EPB41L5: variants seen among roughly 807,000 people sequenced by gnomAD.
EPB41L5 encodes erythrocyte membrane protein band 4.1 like 5.
EPB41L5 carries 55 observed loss-of-function variants against 106.6 expected under a neutral mutation model. The observed-to-expected ratio is 0.52, with a 90% confidence interval of 0.42 to 0.65. The LOEUF (loss-of-function observed/expected upper bound fraction) is 0.65. Among genes scored for constraint, EPB41L5 ranks in the 30% least tolerant of loss-of-function variants. The pLI, the probability that EPB41L5 is intolerant of heterozygous loss-of-function variation, is 0.00. For synonymous variants in EPB41L5, 297 were observed against 306.7 expected, an observed-to-expected ratio of 0.97 and a Z score of 0.33; for missense variants, 871 against 882.1, an observed-to-expected ratio of 0.99 and a Z score of 0.16.
Position 120,176,367 on chromosome 2 carries a change from A to C in EPB41L5, c.*1460A>C, listed in dbSNP as rs576430694. 3.3e-5 allele frequency: 5 copies of C among 152,358 alleles called. No individual in the cohort carries two copies. The highest frequency in any genetic ancestry group is 1.9e-4 in the East Asian group (1 of 5,192). 9.4% of individuals were successfully genotyped at this position (152,358 alleles called of 1,614,324 possible). A position where few individuals can be genotyped will look rare whatever the true frequency, so the allele number is the denominator to read the frequency against. ...TACTGCTTAGCATAAAAGAACATCC[A>C]GTCTTAGATCCTTAAAACTTCATGG... On this transcript the variant is annotated 3_prime_UTR_variant, in exon 25 of 25. Transcript: ENST00000263713.
chr2:120,084,978 A>G (rs1427134968), intron 10 of EPB41L5, among the ~76,000 whole-genome samples: 2 of 152,102 alleles, frequency 1.3e-5, no homozygotes, highest in East Asian at 1.9e-4. Context: ...CAGCTCCATC[A>G]GGTCATTTAA....
At position 120,178,165 on chromosome 2, in the gene EPB41L5, G is replaced by A. The variant is rs1165679985; in HGVS notation, c.*3258G>A. 1 of 152,480 alleles carries A rather than the reference G, an allele frequency of 6.6e-6. No homozygotes were observed. The highest frequency in any genetic ancestry group is 1.5e-5 in the Non-Finnish European group (1 of 68,104). The allele number at this position is 152,480 out of a possible 1,614,324, so 9.4% of individuals were successfully genotyped here. The stretch of plus-strand genomic sequence containing the variant: ...GCCCCAGCACAGCTGTGTTCCTGCG[G>A]AGTCCCCTTTACAAAGCCGCTGACC... On this transcript the variant is annotated 3_prime_UTR_variant, in exon 25 of 25. Coordinates refer to ENST00000263713, the MANE Select transcript of EPB41L5 (RefSeq NM_020909.4).
intron 20 of EPB41L5, among the ~76,000 whole-genome samples, chr2:120,153,722 GA>G (rs1686778851): frequency 6.6e-6 from 1 of 152,112 alleles, no homozygotes. Context: ...TTGATGGATT[GA>G]ATCTTTTATC....
chr2:120,121,531 A>C (rs1685215723), intron 16 of EPB41L5, among the ~76,000 whole-genome samples: 1 of 152,102 alleles, frequency 6.6e-6, no homozygotes, highest in Non-Finnish European at 1.5e-5. Flanking sequence ...GACATGAACT[A>C]ATCCTTTTTT....
At chr2:120,082,613 G>A (rs1482599996) in intron 10 of EPB41L5, among the ~76,000 whole-genome samples, 1 of 152,116 alleles carries the variant, frequency 6.6e-6, no homozygotes, top group African/African-American at 2.4e-5. Flanking sequence ...GATGATGCTG[G>A]CCTCATAAAA....
At position 120,083,204 on chromosome 2, in the gene EPB41L5, C is replaced by G. The variant is rs562738789; in HGVS notation, c.804-3967C>G. Reference sequence around the variant, plus strand: ...TCTTTTAATTGTGATGTTAGGGTGTCAGTTTTAGATCTTTCCTGCTTTCTC... The same window carrying G: ...TCTTTTAATTGTGATGTTAGGGTGTGAGTTTTAGATCTTTCCTGCTTTCTC... On this transcript the variant is annotated intron_variant, in intron 10 of 24. Coordinates refer to ENST00000263713, the MANE Select transcript of EPB41L5 (RefSeq NM_020909.4). Among the ~76,000 whole-genome samples the G allele has an allele frequency of 4.0e-5, 6 of 150,624 alleles. No individual in the cohort carries two copies. In the South Asian group the frequency reaches 1.0e-3, roughly 26 times the overall value.
intron 16 of EPB41L5, among the ~76,000 whole-genome samples, chr2:120,112,716 A>C (rs1684776890): frequency 6.6e-6 from 1 of 152,218 alleles, no homozygotes; most frequent in Non-Finnish European, 1.5e-5. Flanking sequence ...AGGTTTGAGT[A>C]AAGAGTATAG....
chr2:120,047,318 G>C (rs1165239933), intron 3 of EPB41L5, among the ~76,000 whole-genome samples: 1 of 152,056 alleles, frequency 6.6e-6, no homozygotes, highest in Non-Finnish European at 1.5e-5. Context: ...CCATTTGTTT[G>C]TGTCCTCTTT....
intron 3 of EPB41L5, among the ~76,000 whole-genome samples, chr2:120,070,926 A>G (rs1166507638): frequency 6.6e-6 from 1 of 152,236 alleles, no homozygotes; most frequent in Non-Finnish European, 1.5e-5. Context: ...GAATACTGGC[A>G]CAAAACAAGG....
chr2:120,104,956 A>G, intron 16 of EPB41L5: 7 of 981,540 alleles, frequency 7.1e-6, no homozygotes, highest in Non-Finnish European at 8.5e-6. Context: ...TTACATTACT[A>G]CTGAATGGTT....
chr2:120,143,502 T>A (rs1329158633), intron 19 of EPB41L5, among the ~76,000 whole-genome samples: 1 of 152,174 alleles, frequency 6.6e-6, no homozygotes, highest in Non-Finnish European at 1.5e-5. Context: ...AAGAGTTGGC[T>A]GTGCCATGGT....
chr2:120,125,633 T>C (rs139753044), intron 16 of EPB41L5, among the ~76,000 whole-genome samples: 18 of 152,274 alleles, frequency 1.2e-4, no homozygotes, highest in African/African-American at 4.1e-4. Flanking sequence ...CCCATTCTCC[T>C]GGGGAAGTAA....
At chr2:120,095,430 T>G (rs1464225461) in intron 14 of EPB41L5, among the ~76,000 whole-genome samples, 1 of 152,070 alleles carries the variant, frequency 6.6e-6, no homozygotes, top group African/African-American at 2.4e-5. Context: ...TCTGGAATTC[T>G]CATTAACATG....
chr2:120,171,656 CAA>C (rs1267383261), intron 24 of EPB41L5, among the ~76,000 whole-genome samples: 2 of 152,096 alleles, frequency 1.3e-5, no homozygotes, highest in African/African-American at 4.8e-5. Context: ...GCCAACCAAC[CAA>C]AGAGAAAAAG....
At chr2:120,058,579 G>A (rs1045858560) in intron 3 of EPB41L5, among the ~76,000 whole-genome samples, 11 of 152,292 alleles carry the variant, frequency 7.2e-5, no homozygotes, top group Middle Eastern at 3.4e-3. Context: ...AAGGATTGGT[G>A]GAGGGGATGT....
At chr2:120,158,940 C>G (rs1197710245) in intron 20 of EPB41L5, among the ~76,000 whole-genome samples, 1 of 151,978 alleles carries the variant, frequency 6.6e-6, no homozygotes. Context: ...TCCTATACAC[C>G]AACAATAGTC....
chr2:120,127,592 A>C, intron 16 of EPB41L5, 96 bp from the exon 17 acceptor site: 1 of 941,816 alleles, frequency 1.1e-6, no homozygotes, highest in Non-Finnish European at 1.5e-6. Flanking sequence ...TTGAATTCAC[A>C]GATGTGGTGG....
At chr2:120,080,569 C>A (rs71492642) in intron 10 of EPB41L5, among the ~76,000 whole-genome samples, 1 of 152,070 alleles carries the variant, frequency 6.6e-6, no homozygotes, top group South Asian at 2.1e-4. Flanking sequence ...AGTAAACATA[C>A]GTGTGCATGT....
intron 3 of EPB41L5, among the ~76,000 whole-genome samples, chr2:120,049,566 G>C (rs986681724): frequency 1.3e-5 from 2 of 151,902 alleles, no homozygotes; most frequent in African/African-American, 4.8e-5. Flanking sequence ...TGTCTCTGCA[G>C]GTGAGATGGG....
Sources: allele counts gnomAD v4.1 joint callset (sites outside exome capture counted in the v4.1 genomes callset), GRCh38; gene constraint gnomAD v4.1.1; transcripts MANE v1.5; gene names NCBI Gene and HGNC (gene_info 2026-07-23, HGNC 2026-07-21).